The following DPYD variants were observed in gnomAD, a reference collection of about 807,000 sequenced individuals.
DPYD encodes the protein dihydropyrimidine dehydrogenase [NADP(+)].
In DPYD, 109 loss-of-function variants were observed where a neutral mutation model predicts 116.2. That is an observed-to-expected ratio of 0.94 (90% CI 0.80 to 1.10). DPYD has a LOEUF of 1.10. DPYD is among the 50% of genes least tolerant of loss of function. DPYD has a pLI of 0.00. For synonymous variants in DPYD, 440 were observed against 432.0 expected (o/e 1.02, Z -0.23); for missense variants, 1,302 against 1,254.5 (o/e 1.04, Z -0.57).
At chr1:97,623,367 T>G (rs1486882888) in intron 8 of DPYD, among the ~76,000 whole-genome samples, 1 of 152,080 alleles carries the variant, frequency 6.6e-6, no homozygotes, top group African/African-American at 2.4e-5. Flanking sequence ...TTAAATGTTC[T>G]CTTATGGAAA....
chr1:97,181,786 T>TTA (rs1163336085), intron 20 of DPYD, among the ~76,000 whole-genome samples: 4 of 152,136 alleles, frequency 2.6e-5, no homozygotes, highest in Non-Finnish European at 2.9e-5. Context: ...AAATTGCCTA[T>TTA]CTATCTATGC....
chr1:97,551,720 C>T (rs969090742), intron 11 of DPYD, among the ~76,000 whole-genome samples: 37 of 152,146 alleles, frequency 2.4e-4, no homozygotes, highest in African/African-American at 7.9e-4. Flanking sequence ...AGTCCCACAA[C>T]ATAAATTAGA....
chr1:97,841,662 GA>G (rs1358696054), intron 2 of DPYD, among the ~76,000 whole-genome samples: 1 of 151,868 alleles, frequency 6.6e-6, no homozygotes, highest in East Asian at 1.9e-4. Context: ...AACCTGACAG[GA>G]TCATAGAAAC....
chr1:97,561,995 G>GC (rs1318658948), intron 11 of DPYD, among the ~76,000 whole-genome samples: 1 of 152,180 alleles, frequency 6.6e-6, no homozygotes, highest in Admixed American at 6.5e-5. Context: ...TTATTTGCAT[G>GC]CATCTTTCCT....
intron 16 of DPYD, among the ~76,000 whole-genome samples, chr1:97,346,370 T>A (rs1382406273): frequency 1.3e-5 from 2 of 151,876 alleles, no homozygotes; most frequent in Non-Finnish European, 2.9e-5. Context: ...TATTGAGTTG[T>A]CTTCCGCTTC....
intron 19 of DPYD, among the ~76,000 whole-genome samples, chr1:97,222,969 C>T (rs1158913506): frequency 5.9e-5 from 9 of 151,916 alleles, no homozygotes; most frequent in Admixed American, 1.3e-4. Flanking sequence ...TTTCCACCTA[C>T]CCAATGAAAA....
intron 16 of DPYD, among the ~76,000 whole-genome samples, chr1:97,331,530 T>C (rs1669007755): frequency 6.6e-6 from 1 of 152,110 alleles, no homozygotes; most frequent in African/African-American, 2.4e-5. Context: ...TTTATACGAG[T>C]CCATTCACCA....
intron 19 of DPYD, among the ~76,000 whole-genome samples, chr1:97,209,574 T>C (rs116322062): frequency 0.011 from 1,718 of 152,266 alleles, 35 homozygotes; most frequent in African/African-American, 0.039. Flanking sequence ...TGTGTCATTG[T>C]TTTTAGGCTC....
intron 1 of DPYD, among the ~76,000 whole-genome samples, chr1:97,886,558 G>T (rs1171391116): frequency 6.6e-5 from 10 of 152,048 alleles, no homozygotes; most frequent in Admixed American, 6.6e-4. Flanking sequence ...CTAGTACTTT[G>T]CTCATAAAGC....
At chr1:97,285,703 A>G (rs11165831) in intron 18 of DPYD, among the ~76,000 whole-genome samples, 44,187 of 130,686 alleles carry the variant, frequency 0.34, 6,780 homozygotes, top group Non-Finnish European at 0.37. Context: ...TTTTTTTTTG[A>G]GACAGGGTCT....
intron 13 of DPYD, among the ~76,000 whole-genome samples, chr1:97,486,183 G>C (rs562121280): frequency 8.5e-5 from 13 of 152,146 alleles, no homozygotes; most frequent in African/African-American, 3.1e-4. Context: ...TTAAATGCTT[G>C]TTTTTGAAAT....
intron 1 of DPYD, among the ~76,000 whole-genome samples, chr1:97,894,855 G>A (rs568503605): frequency 7.8e-4 from 118 of 151,522 alleles, no homozygotes; most frequent in African/African-American, 2.8e-3. Flanking sequence ...AATATAATGT[G>A]GCAAAGCATC....
chr1:97,379,079 A>G (rs1671793076), intron 15 of DPYD, among the ~76,000 whole-genome samples: 1 of 152,334 alleles, frequency 6.6e-6, no homozygotes, highest in South Asian at 2.1e-4. Flanking sequence ...GCCTCTGAAG[A>G]CAGGGTCTTA....
intron 20 of DPYD, among the ~76,000 whole-genome samples, chr1:97,132,872 T>C (rs756365225): frequency 6.6e-6 from 1 of 152,098 alleles, no homozygotes; most frequent in Non-Finnish European, 1.5e-5. Flanking sequence ...TCAAATACTT[T>C]AAAGAATTTC....
chr1:97,357,942 G>A (rs1670506032), intron 16 of DPYD, among the ~76,000 whole-genome samples: 1 of 152,172 alleles, frequency 6.6e-6, no homozygotes, highest in African/African-American at 2.4e-5. Context: ...TCATCTCATT[G>A]GGACTGGTTG....
At chr1:97,201,843 G>C (rs1659228660) in intron 19 of DPYD, among the ~76,000 whole-genome samples, 1 of 151,510 alleles carries the variant, frequency 6.6e-6, no homozygotes. Flanking sequence ...AACTGTGGCA[G>C]TGCATTGATT....
At chr1:97,440,046 C>T (rs559404738) in intron 14 of DPYD, among the ~76,000 whole-genome samples, 184 of 151,870 alleles carry the variant, frequency 1.2e-3, no homozygotes, top group Non-Finnish European at 2.0e-3. Context: ...GAGGCCGAGG[C>T]GGGGGGATCA....
intron 16 of DPYD, among the ~76,000 whole-genome samples, chr1:97,317,315 C>T (rs533734869): frequency 3.6e-4 from 54 of 152,034 alleles, no homozygotes; most frequent in African/African-American, 1.3e-3. Flanking sequence ...AGTAGGTGTT[C>T]AAAATTGTGG....
intron 13 of DPYD, among the ~76,000 whole-genome samples, chr1:97,494,641 G>A (rs1056007481): frequency 1.3e-5 from 2 of 151,952 alleles, no homozygotes; most frequent in African/African-American, 4.8e-5. Flanking sequence ...TGCTCAGGAG[G>A]CTGAGGCGGG....
Sources: allele counts gnomAD v4.1 joint callset (sites outside exome capture counted in the v4.1 genomes callset), GRCh38; gene constraint gnomAD v4.1.1; transcripts MANE v1.5; gene names NCBI Gene and HGNC (gene_info 2026-07-23, HGNC 2026-07-21).